ABCA13: variants seen among roughly 807,000 people sequenced by gnomAD.
ABCA13 encodes ATP binding cassette subfamily A member 13.
ABCA13 carries 476 observed loss-of-function variants against 478.7 expected under a neutral mutation model. That is an observed-to-expected ratio of 0.99 (90% CI 0.92 to 1.07). ABCA13 has a LOEUF of 1.07. ABCA13 is among the 50% of genes least tolerant of loss of function. The pLI, the probability that ABCA13 is intolerant of heterozygous loss-of-function variation, is 0.00. For missense variants in ABCA13, 6,060 were observed against 5,910.6 expected (o/e 1.03, Z -0.83); for synonymous variants, 2,252 against 2,158.9 (o/e 1.04, Z -1.20).
At chr7:48,295,229 G>T (rs757856890) in intron 20 of ABCA13, among the ~76,000 whole-genome samples, 2 of 152,186 alleles carry the variant, frequency 1.3e-5, no homozygotes, top group African/African-American at 4.8e-5. Context: ...CATCCTAACA[G>T]GTATGAGGTA....
chr7:48,483,619 A>G (rs1829000212), intron 47 of ABCA13, among the ~76,000 whole-genome samples: 1 of 152,214 alleles, frequency 6.6e-6, no homozygotes, highest in Non-Finnish European at 1.5e-5. Context: ...TGCCAGGACT[A>G]TACCTGTGAA....
intron 48 of ABCA13, among the ~76,000 whole-genome samples, chr7:48,492,433 A>G (rs1428021566): frequency 1.3e-5 from 2 of 152,170 alleles, no homozygotes; most frequent in African/African-American, 4.8e-5. Context: ...TATGAAATTC[A>G]TCCATATATT....
intron 31 of ABCA13, among the ~76,000 whole-genome samples, chr7:48,366,177 A>G (rs918907741): frequency 6.6e-6 from 1 of 152,120 alleles, no homozygotes; most frequent in African/African-American, 2.4e-5. Context: ...CATCAAAGAA[A>G]AGCCCAGGAC....
intron 58 of ABCA13, 27 bp downstream of exon 58, chr7:48,594,840 T>C: frequency 6.3e-7 from 1 of 1,596,462 alleles, no homozygotes; most frequent in Non-Finnish European, 8.6e-7. Flanking sequence ...CTTGTAGCCA[T>C]TTCCTGATAA....
At chr7:48,592,018 A>C (rs1789806504) in intron 57 of ABCA13, among the ~76,000 whole-genome samples, 1 of 151,832 alleles carries the variant, frequency 6.6e-6, no homozygotes, top group Non-Finnish European at 1.5e-5. Flanking sequence ...TAGAGTGGGC[A>C]TCCTTGTCTT....
In ABCA13 at chr7:48,313,048, T is replaced by C. The variant is rs1255354521; in HGVS notation, c.9517-19T>C. 1.3e-6 allele frequency: 2 copies of C among 1,528,028 alleles called. No homozygotes were observed. Among genetic ancestry groups the C allele is most frequent in the African/African-American group, 1.4e-5 (1 of 71,734 alleles). The allele number at this position is 1,528,028 out of a possible 1,614,324, so 94.7% of individuals were successfully genotyped here. On this transcript the variant is annotated intron_variant, in intron 24 of 61. Transcript: ENST00000435803. ...GTGTTGGTTATTTCATGTTGTTTTG[T>C]TTTTGTTTTGTCCTTTAGACTCTGA... is the stretch of plus-strand genomic sequence containing the variant.
Position 48,181,432 on chromosome 7 carries a change from A to G in ABCA13, c.69+9880A>G, listed in dbSNP as rs1795684453. Among the ~76,000 whole-genome samples the G allele has an allele frequency of 2.0e-5, 3 of 152,266 alleles. No individual in the cohort carries two copies. The South Asian group carries it at 6.2e-4, about 32-fold the overall frequency. ...GAAATATGTCTTTTGTAATTTCAAA[A>G]CTACTGAAATTATACTTCATTCATC... On this transcript the variant is annotated intron_variant, in intron 1 of 61. Coordinates refer to ENST00000435803, the MANE Select transcript of ABCA13 (RefSeq NM_152701.5).
In ABCA13 at chr7:48,397,666, T is replaced by C. The variant is rs529500807; in HGVS notation, c.11873+5527T>C. On this transcript the variant is annotated intron_variant, in intron 38 of 61. Transcript: ENST00000435803. ...ACAGTTTTATTTTTCCATACTTGGA[T>C]GGGATCAGTATTTGTTTAGATGATC... is the stretch of plus-strand genomic sequence containing the variant. Among the ~76,000 whole-genome samples, 8 of 152,288 alleles carry C rather than the reference T, an allele frequency of 5.3e-5. No homozygotes were observed. The South Asian group carries it at 1.7e-3, about 32-fold the overall frequency.
At chr7:48,600,964 G>T (rs749926035) in intron 58 of ABCA13, among the ~76,000 whole-genome samples, 5 of 152,012 alleles carry the variant, frequency 3.3e-5, no homozygotes, top group Non-Finnish European at 7.4e-5. Flanking sequence ...TTACGTGTAT[G>T]TTGAAACTCT....
intron 27 of ABCA13, among the ~76,000 whole-genome samples, chr7:48,323,435 G>A (rs927627668): frequency 3.3e-5 from 5 of 152,222 alleles, no homozygotes; most frequent in Non-Finnish European, 7.3e-5. Flanking sequence ...TCTGCCCGCT[G>A]CCAGAGCCAG....
At chr7:48,314,795 A>G (rs1802312411) in intron 26 of ABCA13, among the ~76,000 whole-genome samples, 1 of 152,154 alleles carries the variant, frequency 6.6e-6, no homozygotes, top group African/African-American at 2.4e-5. Flanking sequence ...GCCACCTCCA[A>G]ATTTGCTCTC....
rs149963813 is a variant in ABCA13 at position 48,281,320 on chromosome 7, A to G, written c.8727-23A>G. 9 of 1,565,022 alleles carry G rather than the reference A, an allele frequency of 5.8e-6. No individual in the cohort carries two copies. In the African/African-American group the frequency reaches 8.1e-5, roughly 14 times the overall value. On this transcript the variant is annotated intron_variant, in intron 18 of 61. Transcript: ENST00000435803. ...TTGCACATTTTTACCCTTTTATGTC[A>G]TTGTATATATTTTTTTGCTAAGTGT...
At chr7:48,222,874 GT>G (rs2128971338) in intron 5 of ABCA13, among the ~76,000 whole-genome samples, 1 of 152,214 alleles carries the variant, frequency 6.6e-6, no homozygotes, top group African/African-American at 2.4e-5. Context: ...TGGACATTGT[GT>G]CAAGCAGAGA....
chr7:48,430,342 C>A (rs1199164462), intron 42 of ABCA13, among the ~76,000 whole-genome samples: 1 of 152,068 alleles, frequency 6.6e-6, no homozygotes, highest in Non-Finnish European at 1.5e-5. Flanking sequence ...TACAATTGTT[C>A]ATAGTAATCA....
Position 48,548,548 on chromosome 7 carries a change from ATTT to A in ABCA13, c.14354+20215_14354+20217del, listed in dbSNP as rs35317081. On this transcript the variant is annotated intron_variant, in intron 55 of 61. Transcript: ENST00000435803. ...TGATAAAAACACCAGCATGTAACAC[ATTT>A]TTTTTTTTTTTGTCCACAGATTGTT... 3.1e-4 allele frequency among the ~76,000 whole-genome samples: 45 copies of A among 144,802 alleles called. 1 individual carries two copies. In the South Asian group the frequency reaches 5.3e-3, roughly 17 times the overall value. The allele number at this position is 144,802 out of a possible 152,430, so 95.0% of individuals were successfully genotyped here.
intron 27 of ABCA13, among the ~76,000 whole-genome samples, chr7:48,320,503 AT>A (rs1444906075): frequency 6.6e-6 from 1 of 152,120 alleles, no homozygotes; most frequent in East Asian, 1.9e-4. Context: ...AATTGATGCT[AT>A]TTCCATGTCA....
chr7:48,223,359 G>T (rs185389167), intron 5 of ABCA13, among the ~76,000 whole-genome samples: 2 of 152,230 alleles, frequency 1.3e-5, no homozygotes, highest in East Asian at 1.9e-4. Flanking sequence ...AGACTTCAAG[G>T]TCATCAAGGG....
intron 45 of ABCA13, among the ~76,000 whole-genome samples, chr7:48,479,241 C>A (rs549234089): frequency 2.0e-5 from 3 of 146,438 alleles, no homozygotes; most frequent in African/African-American, 7.6e-5. Context: ...AGCAATTTTC[C>A]TTTTTCCTTT....
intron 38 of ABCA13, among the ~76,000 whole-genome samples, chr7:48,395,811 G>C (rs2129061603): frequency 6.6e-6 from 1 of 152,312 alleles, no homozygotes; most frequent in Non-Finnish European, 1.5e-5. Context: ...TCAACTGACT[G>C]TTTACATTAT....
Sources: gnomAD v4.1 joint callset for allele counts (sites outside exome capture counted in the v4.1 genomes callset) on GRCh38, gnomAD v4.1.1 for gene constraint, MANE v1.5 for transcripts, NCBI Gene and HGNC (gene_info 2026-07-23, HGNC 2026-07-21) for gene names.